The following NLRC5 variants were observed in gnomAD, a reference collection of about 807,000 sequenced individuals.
The protein encoded by NLRC5 is protein NLRC5.
A neutral mutation model predicts 206.9 loss-of-function variants in NLRC5; 114 were observed. The observed-to-expected ratio is 0.55, with a 90% CI of 0.47 to 0.64. NLRC5 has a LOEUF of 0.64. NLRC5 is among the 30% of genes least tolerant of loss of function. NLRC5 has a pLI of 0.00. For synonymous variants in NLRC5, 952 were observed against 962.8 expected (o/e 0.99, Z 0.21); for missense variants, 2,008 against 2,305.5 (o/e 0.87, Z 2.64).
intron 1 of NLRC5, chr16:57,013,021 T>C (rs2142691038): frequency 6.0e-6 from 1 of 166,246 alleles, no homozygotes; most frequent in South Asian, 1.7e-4. Context: ...TATATTTTTA[T>C]ACTACAAAGT....
chr16:57,016,953 CT>C (rs1195239177), intron 1 of NLRC5, 120 bp from the exon 2 acceptor site: 2 of 152,782 alleles, frequency 1.3e-5, no homozygotes, highest in African/African-American at 4.8e-5. Flanking sequence ...GGGACTGTGT[CT>C]GGAGCCAATG....
intron 22 of NLRC5, among the ~76,000 whole-genome samples, 162 bp downstream of exon 22, chr16:57,046,803 G>T (rs972183033): frequency 1.3e-5 from 2 of 152,350 alleles, no homozygotes; most frequent in African/African-American, 2.4e-5. Context: ...GGGGTGCTGG[G>T]AGTTGGGGAG....
At chr16:56,998,709 T>G (rs16964752) in intron 1 of NLRC5, among the ~76,000 whole-genome samples, 2,138 of 152,352 alleles carry the variant, frequency 0.014, 47 homozygotes, top group African/African-American at 0.048. Flanking sequence ...GATGTGTATT[T>G]TGAGACAAGT....
rs2061311168 is a variant in NLRC5 at position 57,026,846 on chromosome 16, C to T, written c.1903C>T (p.Leu635Phe). ...GCTGGCCAGTCTCACCGCACAAAGC[C>T]TCCCCTATCAACTGCCCTTCCACAA... is the stretch of plus-strand genomic sequence containing the variant. ...PELASLTAQSLPYQLPFHNFP... is the reference protein window; with the variant it reads ...PELASLTAQSFPYQLPFHNFP... The change falls in exon 6 of 49, where the codon CTC becomes TTC. Residue 635 changes from leucine (L) to phenylalanine (F), a missense_variant. By Grantham distance (22) the Leu-to-Phe change is conservative (BLOSUM62 0). Transcript: ENST00000688547. 2 of 1,614,236 alleles carry T rather than the reference C, an allele frequency of 1.2e-6. No homozygotes were observed. Among genetic ancestry groups the T allele is most frequent in the South Asian group, 1.1e-5 (1 of 91,088 alleles).
At position 57,070,636 on chromosome 16, in the gene NLRC5, T is replaced by A. The variant is rs1445157404; in HGVS notation, c.4667+18T>A. On this transcript the variant is annotated intron_variant, in intron 38 of 48. Transcript: ENST00000688547. ...AGGCTGGAGTAAGTAGTGATGGTGG[T>A]TGTGGGTGAGTGAGTGGTGGGGGTG... is the stretch of plus-strand genomic sequence containing the variant. 1.9e-6 allele frequency: 3 copies of A among 1,609,576 alleles called. No homozygotes were observed. The highest frequency in any genetic ancestry group is 2.6e-6 in the Non-Finnish European group (3 of 1,176,262).
At chr16:57,070,285 T>C (rs1309139653) in intron 37 of NLRC5, among the ~76,000 whole-genome samples, 1 of 151,712 alleles carries the variant, frequency 6.6e-6, no homozygotes, top group Admixed American at 6.6e-5. Context: ...TCCCCCAGCT[T>C]CCTCTCTGCA....
Position 57,026,687 on chromosome 16 carries a change from CA to C in NLRC5, c.1745del (p.Gln582ArgfsTer14). ...TCRPFLSHLA[Q>X]GNEDCVGAKQ... ...CCGCCCCTTCCTTAGCCACCTGGCG[CA>C]GGGCAATGAGGACTGTGTGGGTGCC... On this transcript the variant is annotated frameshift_variant, in exon 6 of 49. Coordinates refer to ENST00000688547, the MANE Select transcript of NLRC5 (RefSeq NM_001384950.1). LOFTEE classifies it high-confidence loss of function. The C allele has an allele frequency of 6.2e-7, 1 of 1,614,080 alleles. No homozygotes were observed. The highest frequency in any genetic ancestry group is 8.5e-7 in the Non-Finnish European group (1 of 1,179,952).
rs200405981 is a variant in NLRC5 at position 57,076,806 on chromosome 16, C to T, written c.4752-13C>T. The T allele has an allele frequency of 5.3e-5, 85 of 1,613,696 alleles. No individual in the cohort carries two copies. The highest frequency in any genetic ancestry group is 6.8e-5 in the Non-Finnish European group (80 of 1,179,780). ...CTCCTGAAAGCCTCTTGGTCTATTCCCTGCTTTTCCAGACTGAACAGGAAC... is the reference window on the plus strand; with the variant it reads ...CTCCTGAAAGCCTCTTGGTCTATTCTCTGCTTTTCCAGACTGAACAGGAAC... On this transcript the variant is annotated splice_polypyrimidine_tract_variant and intron_variant, in intron 39 of 48. Transcript: ENST00000688547.
Position 57,033,890 on chromosome 16 carries a change from A to G in NLRC5, c.2543+221A>G, listed in dbSNP as rs115590566. ...CAACTTAATGGAACCGGCTATCTAT[A>G]TGCCGGGCATTGCACTAGATGTTTT... On this transcript the variant is annotated intron_variant, in intron 12 of 48. Coordinates refer to ENST00000688547, the MANE Select transcript of NLRC5 (RefSeq NM_001384950.1). Among the ~76,000 whole-genome samples the G allele has an allele frequency of 7.1e-3, 1,082 of 152,312 alleles. 15 individuals carry two copies. Among genetic ancestry groups the G allele is most frequent in the African/African-American group, 0.018 (766 of 41,564 alleles).
rs539806360 is a variant in NLRC5 at position 56,997,031 on chromosome 16, G to C, written c.-128+7414G>C. Among the ~76,000 whole-genome samples, 5 of 152,208 alleles carry C rather than the reference G, an allele frequency of 3.3e-5. No individual in the cohort carries two copies. In the South Asian group the frequency reaches 1.0e-3, roughly 32 times the overall value. ...ACTATAGGTGCACACCACTATGCCA[G>C]GCTAATTTTTTTGCATTTTTTGTAA... On this transcript the variant is annotated intron_variant, in intron 1 of 48. Transcript: ENST00000688547.
At position 57,081,643 on chromosome 16, in the gene NLRC5, G is replaced by A. The variant is rs763295939; in HGVS notation, c.5489+33G>A. ...AGGCCTGCAGGGGCAGGGATGGTGG[G>A]TGGGAGGCTACACCAACCCCCAGAT... On this transcript the variant is annotated intron_variant, in intron 48 of 48. Transcript: ENST00000688547. The A allele has an allele frequency of 3.2e-6, 5 of 1,581,704 alleles. No individual in the cohort carries two copies. The African/African-American group carries it at 5.4e-5, about 17-fold the overall frequency.
chr16:57,001,879 C>T (rs1363397877), intron 1 of NLRC5, among the ~76,000 whole-genome samples: 4 of 152,116 alleles, frequency 2.6e-5, no homozygotes, highest in East Asian at 1.9e-4. Context: ...TAACCATCCC[C>T]ACCTCCCCCA....
intron 39 of NLRC5, chr16:57,076,080 AT>A: frequency 5.4e-6 from 1 of 184,498 alleles, no homozygotes; most frequent in Non-Finnish European, 1.2e-5. Flanking sequence ...CGCCCAGATA[AT>A]TTTTGTATAT....
chr16:57,010,470 G>A (rs2059372265), intron 1 of NLRC5, among the ~76,000 whole-genome samples: 1 of 152,126 alleles, frequency 6.6e-6, no homozygotes, highest in Admixed American at 6.5e-5. Context: ...AAACTCCTGG[G>A]CTCAAGCAAT....
At chr16:57,005,940 T>A (rs2058846869) in intron 1 of NLRC5, among the ~76,000 whole-genome samples, 1 of 150,406 alleles carries the variant, frequency 6.6e-6, no homozygotes, top group African/African-American at 2.5e-5. Context: ...GGAAAAAAAA[T>A]TCCTTTCACT....
At chr16:56,994,672 T>A (rs145954724) in intron 1 of NLRC5, among the ~76,000 whole-genome samples, 1 of 151,632 alleles carries the variant, frequency 6.6e-6, no homozygotes, top group East Asian at 1.9e-4. Context: ...GAAGGGAGCG[T>A]GGCAGGGAAC....
chr16:57,010,002 T>C (rs956729529), intron 1 of NLRC5, among the ~76,000 whole-genome samples: 2 of 152,126 alleles, frequency 1.3e-5, no homozygotes, highest in Non-Finnish European at 2.9e-5. Flanking sequence ...GGCTAGGCCA[T>C]AGCAGTAGAG....
intron 19 of NLRC5, among the ~76,000 whole-genome samples, chr16:57,042,834 C>G (rs1195741073): frequency 6.6e-6 from 1 of 152,174 alleles, no homozygotes; most frequent in Admixed American, 6.5e-5. Context: ...CCTAAGGACC[C>G]CCTGCTCACA....
chr16:57,011,031 CA>C (rs1375201464), intron 1 of NLRC5, among the ~76,000 whole-genome samples: 6 of 152,204 alleles, frequency 3.9e-5, no homozygotes, highest in Admixed American at 3.9e-4. Context: ...AGCCTGTCAT[CA>C]GTTTCCTGTG....
Sources: gnomAD v4.1 joint callset for allele counts (sites outside exome capture counted in the v4.1 genomes callset) on GRCh38, gnomAD v4.1.1 for gene constraint, MANE v1.5 for transcripts, NCBI Gene and HGNC (gene_info 2026-07-23, HGNC 2026-07-21) for gene names.